TBX3: variants seen among roughly 807,000 people sequenced by gnomAD.
The protein encoded by TBX3 is T-box transcription factor 3.
In TBX3, 11 loss-of-function variants were observed where a neutral mutation model predicts 47.8. The ratio of observed to expected loss-of-function variants is 0.23; its 90% CI spans 0.14 to 0.38. The LOEUF (loss-of-function observed/expected upper bound fraction) is 0.38. Among genes scored for constraint, TBX3 ranks in the 10% least tolerant of loss-of-function variants. The pLI is 1.00. For missense variants in TBX3, 927 were observed against 1,022.8 expected, an observed-to-expected ratio of 0.91 and a Z score of 1.28; for synonymous variants, 500 against 449.3, an observed-to-expected ratio of 1.11 and a Z score of -1.43.
chr12:114,671,315 C>A lies in TBX3; in HGVS notation c.*526G>T, dbSNP rs1868412019. ...AACAAGGATGGTAGGGACTTCCCTC[C>A]CCAAACAAAGCTGCTCAGTAATTTA... On this transcript the variant is annotated 3_prime_UTR_variant, in exon 7 of 7. Coordinates refer to ENST00000349155, the MANE Select transcript of TBX3 (RefSeq NM_005996.4). 1 of 240,538 alleles carries A rather than the reference C, an allele frequency of 4.2e-6. No homozygotes were observed. The highest frequency in any genetic ancestry group is 5.9e-5 in the East Asian group (1 of 16,824). The allele number at this position is 240,538 out of a possible 1,614,324, so 14.9% of individuals were successfully genotyped here.
chr12:114,680,738 CT>C, intron 2 of TBX3, 140 bp downstream of exon 2: 13 of 1,274,850 alleles, frequency 1.0e-5, no homozygotes, highest in Non-Finnish European at 1.1e-5. Context: ...ACCCCGAATC[CT>C]TTTTCCAGAC....
chr12:114,680,373 C>G, intron 2 of TBX3: 1 of 293,958 alleles, frequency 3.4e-6, no homozygotes, highest in Non-Finnish European at 6.4e-6. Context: ...ATCTAAGCCT[C>G]ATTTAGGGTA....
Position 114,682,850 on chromosome 12 carries a change from G to A in TBX3, c.351C>T (p.His117=). Residue 117 remains histidine, a synonymous_variant, in exon 1 of 7, where the codon CAC becomes CAT. Coordinates refer to ENST00000349155, the MANE Select transcript of TBX3 (RefSeq NM_005996.4). ...TAATGACCATCTCGGTGCCCCGCTT[G>A]TGAAACTGATCCCAAAGTTCTTTAG... ...LEAKELWDQF[H]KRGTEMVITK... 6.2e-7 allele frequency: 1 copy of A among 1,614,228 alleles called. No homozygotes were observed. Among genetic ancestry groups the A allele is most frequent in the Non-Finnish European group, 8.5e-7 (1 of 1,180,036 alleles).
intron 4 of TBX3, 79 bp from the exon 5 acceptor site, chr12:114,676,549 G>A (rs377697638): frequency 9.5e-6 from 15 of 1,576,722 alleles, no homozygotes; most frequent in African/African-American, 5.4e-5. Flanking sequence ...TTTCCAAAGC[G>A]GCACACACAT....
In TBX3 at chr12:114,683,085, G is replaced by C. The variant is rs1436293096; in HGVS notation, c.116C>G (p.Pro39Arg). 1.2e-6 allele frequency: 2 copies of C among 1,610,672 alleles called. No homozygotes were observed. Among genetic ancestry groups the C allele is most frequent in the Non-Finnish European group, 1.7e-6 (2 of 1,178,278 alleles). ...AMSAVLGHQP[P>R]FFPALTLPPN... Reference sequence around the variant, plus strand: ...AGGCAGCGTCAGCGCGGGGAAGAACGGCGGCTGGTGACCCAGCACCGCGCT... The same window carrying C: ...AGGCAGCGTCAGCGCGGGGAAGAACCGCGGCTGGTGACCCAGCACCGCGCT... Residue 39 changes from proline (P) to arginine (R), a missense_variant, in exon 1 of 7, where the codon CCG becomes CGG. Physicochemically the swap from Pro to Arg is moderately radical, Grantham distance 103. Coordinates refer to ENST00000349155, the MANE Select transcript of TBX3 (RefSeq NM_005996.4). This position sits in a 1 kb window ranked among gnomAD's most constrained non-coding sequence, Gnocchi z 7.7.
chr12:114,673,247 T>C (rs1269580133), intron 6 of TBX3, among the ~76,000 whole-genome samples: 1 of 151,970 alleles, frequency 6.6e-6, no homozygotes, highest in African/African-American at 2.4e-5. Flanking sequence ...CTCCCTGGAG[T>C]GGGGAGGCCA....
intron 5 of TBX3, among the ~76,000 whole-genome samples, chr12:114,675,723 G>A (rs529104012): frequency 6.6e-6 from 1 of 151,796 alleles, no homozygotes; most frequent in East Asian, 1.9e-4. Flanking sequence ...TAACTGAGGG[G>A]GGATTTGAGC....
In TBX3 at chr12:114,676,553, C is replaced by T. The variant is rs1868720750; in HGVS notation, c.882-83G>A. The T allele has an allele frequency of 1.9e-6, 3 of 1,560,974 alleles. No homozygotes were observed. The South Asian group carries it at 3.3e-5, about 17-fold the overall frequency. On this transcript the variant is annotated intron_variant, in intron 4 of 6. Transcript: ENST00000349155. ...TTCCCTTACCCTTTCCAAAGCGGCA[C>T]ACACATACCTCACACCCTGCCTGCT... is the stretch of plus-strand genomic sequence containing the variant.
In TBX3 at chr12:114,674,801, C is replaced by T. The variant is rs1868634787; in HGVS notation, c.1074G>A (p.Glu358=). Residue 358 remains glutamate (E), a synonymous_variant, in exon 6 of 7, where the codon GAG becomes GAA. Transcript: ENST00000349155. The part of the protein sequence containing the change: ...LCPSEGESDA[E]AESKEEHGPE... Reference sequence around the variant, plus strand: ...GGCCATGCTCCTCTTTGCTCTCGGCCTCGGCGTCGCTCTCACCCTCGCTGG... The same window carrying T: ...GGCCATGCTCCTCTTTGCTCTCGGCTTCGGCGTCGCTCTCACCCTCGCTGG... The T allele has an allele frequency of 1.3e-6, 2 of 1,579,496 alleles. No homozygotes were observed. Among genetic ancestry groups the T allele is most frequent in the Non-Finnish European group, 1.7e-6 (2 of 1,168,558 alleles).
At chr12:114,675,833 G>A (rs1371060329) in intron 5 of TBX3, among the ~76,000 whole-genome samples, 1 of 151,670 alleles carries the variant, frequency 6.6e-6, no homozygotes, top group Non-Finnish European at 1.5e-5. Flanking sequence ...TTTATAGCTG[G>A]ATGTTTTCTA....
At position 114,670,589 on chromosome 12, in the gene TBX3, G is replaced by C; in HGVS notation, c.*1252C>G. On this transcript the variant is annotated 3_prime_UTR_variant, in exon 7 of 7. Transcript: ENST00000349155. ...CACAGCAATCTCAGTTATATTTTAA[G>C]GAATTTGAAGTGGAGCTGGAAAGTG... 1 of 221,156 alleles carries C rather than the reference G, an allele frequency of 4.5e-6. No homozygotes were observed. The highest frequency in any genetic ancestry group is 6.6e-5 in the East Asian group (1 of 15,054). 13.7% of individuals were successfully genotyped at this position (221,156 alleles called of 1,614,324 possible).
chr12:114,673,120 G>A (rs1434425876), intron 6 of TBX3, among the ~76,000 whole-genome samples: 2 of 152,200 alleles, frequency 1.3e-5, no homozygotes, highest in Admixed American at 1.3e-4. Flanking sequence ...GTCTGTTCAG[G>A]TAGTCCTTGG....
At chr12:114,676,782 CAGG>C (rs1035516100) in intron 4 of TBX3, among the ~76,000 whole-genome samples, 4 of 152,280 alleles carry the variant, frequency 2.6e-5, no homozygotes, top group East Asian at 1.9e-4. Flanking sequence ...TATTTAAAAG[CAGG>C]AGAAGAGGCT....
Position 114,683,121 on chromosome 12 carries a change from T to C in TBX3, c.80A>G (p.Asp27Gly). 6.2e-7 allele frequency: 1 copy of C among 1,612,570 alleles called. No homozygotes were observed. The highest frequency in any genetic ancestry group is 8.5e-7 in the Non-Finnish European group (1 of 1,179,594). The stretch of plus-strand genomic sequence containing the variant: ...ACCCAGCACCGCGCTCATGGCGAAG[T>C]CCGGCGCCCGGTGAGGTAGGAACGG... ...YHPFLPHRAP[D>G]FAMSAVLGHQ... Residue 27 changes from aspartate (D) to glycine (G), a missense_variant, in exon 1 of 7, where the codon GAC becomes GGC. By Grantham distance (94) the Asp-to-Gly change is moderately conservative (BLOSUM62 -1). Around this residue, in one of 5 missense-constraint regions of TBX3, gnomAD observed 216 missense variants for 281.2 expected, o/e 0.77. Transcript: ENST00000349155. The surrounding 1 kb of genome is among the most constrained non-coding windows in gnomAD (Gnocchi z 7.7).
intron 2 of TBX3, 159 bp from the exon 3 acceptor site, chr12:114,679,810 A>G: frequency 6.5e-7 from 1 of 1,541,796 alleles, no homozygotes; most frequent in Non-Finnish European, 8.9e-7. Flanking sequence ...GTTTCGCTCC[A>G]CAGATGTTAT....
rs922863853 is a variant in TBX3, at chr12:114,683,834, T to C, written c.-634A>G. The C allele has an allele frequency of 3.0e-5, 7 of 229,908 alleles. No homozygotes were observed. In the South Asian group the frequency reaches 9.1e-4, roughly 30 times the overall value. The allele number at this position is 229,908 out of a possible 1,614,324, so 14.2% of individuals were successfully genotyped here. A position where few individuals can be genotyped will look rare whatever the true frequency, so the allele number is the denominator to read the frequency against. On this transcript the variant is annotated 5_prime_UTR_variant, in exon 1 of 7. Coordinates refer to ENST00000349155, the MANE Select transcript of TBX3 (RefSeq NM_005996.4). The surrounding 1 kb of genome is among the most constrained non-coding windows in gnomAD (Gnocchi z 7.7). The stretch of plus-strand genomic sequence containing the variant: ...TTTAAACCCCCTTCTACCAGCGCTA[T>C]CAAAACTTGAATTGCAAACTGGCTT...
Position 114,677,089 on chromosome 12 carries a change from G to C in TBX3, c.881+491C>G, listed in dbSNP as rs187808287. 3.9e-3 allele frequency among the ~76,000 whole-genome samples: 594 copies of C among 152,198 alleles called. 2 individuals are homozygous for C. Among genetic ancestry groups the C allele is most frequent in the African/African-American group, 0.013 (553 of 41,532 alleles). ...TTTAGAAATTCTTTGAAAGGGGGTGGGGGAGGGGAGACCCTCTTTCATATA... is the reference window on the plus strand; with the variant it reads ...TTTAGAAATTCTTTGAAAGGGGGTGCGGGAGGGGAGACCCTCTTTCATATA... On this transcript the variant is annotated intron_variant, in intron 4 of 6. Transcript: ENST00000349155.
intron 3 of TBX3, 137 bp downstream of exon 3, chr12:114,679,368 C>T: frequency 8.0e-7 from 1 of 1,250,170 alleles, no homozygotes; most frequent in Admixed American, 1.8e-5. Context: ...CCTTTCCCCC[C>T]AAATGCTCCA....
rs145432134 is a variant in TBX3 at position 114,674,667 on chromosome 12, C to T, written c.1208G>A (p.Arg403Gln). The T allele has an allele frequency of 1.9e-4, 313 of 1,607,544 alleles. 1 individual carries two copies. The African/African-American group carries it at 3.5e-3, about 18-fold the overall frequency. Residue 403 changes from arginine (R) to glutamine (Q), a missense_variant, in exon 6 of 7, where the codon CGG (arginine) becomes CAG (glutamine). Physicochemically the swap from Arg to Gln is conservative, Grantham distance 43. Coordinates refer to ENST00000349155, the MANE Select transcript of TBX3 (RefSeq NM_005996.4). ...KAHLFAAERP[R>Q]DSGRLDKASP... ...CGCTTTGTCCAGCCGCCCGCTGTCC[C>T]GGGGCCGCTCAGCAGCGAAAAGGTG...
Sources: gnomAD v4.1 joint callset for allele counts (sites outside exome capture counted in the v4.1 genomes callset) on GRCh38, gnomAD v4.1.1 for gene constraint, gnomAD v4.1.1 regional missense constraint, Gnocchi (gnomAD v3.1) non-coding constraint, MANE v1.5 for transcripts, NCBI Gene and HGNC (gene_info 2026-07-23, HGNC 2026-07-21) for gene names.